EYS: variants seen among roughly 807,000 people sequenced by gnomAD.
EYS encodes EGF-like photoreceptor maintenance factor.
Under a neutral mutation model 282.1 loss-of-function variants are expected in EYS, and 250 were observed. The observed-to-expected ratio is 0.89, with a 90% CI of 0.80 to 0.98. The LOEUF is 0.98. Ranked by LOEUF, EYS falls within the 50% of genes least tolerant of loss-of-function variation. The pLI is 0.00. For synonymous variants in EYS, 1,355 were observed against 1,282.9 expected (o/e 1.06, Z -1.20); for missense variants, 4,016 against 3,709.0 (o/e 1.08, Z -2.15).
intron 19 of EYS, among the ~76,000 whole-genome samples, chr6:64,858,164 T>A (rs1766125193): frequency 1.3e-5 from 2 of 152,278 alleles, no homozygotes; most frequent in Admixed American, 1.3e-4. Flanking sequence ...ATTAAAAAAA[T>A]TATTGGCCAA....
chr6:65,700,826 A>G (rs985554059), intron 1 of EYS, among the ~76,000 whole-genome samples: 6 of 152,206 alleles, frequency 3.9e-5, no homozygotes, highest in Admixed American at 1.3e-4. Context: ...GCATAGATAT[A>G]GTCTTGTAAA....
At chr6:64,288,866 A>G (rs1768595814) in intron 30 of EYS, among the ~76,000 whole-genome samples, 1 of 152,056 alleles carries the variant, frequency 6.6e-6, no homozygotes, top group African/African-American at 2.4e-5. Flanking sequence ...AAATCTAGCC[A>G]TATTTCCTTC....
intron 29 of EYS, among the ~76,000 whole-genome samples, chr6:64,341,444 C>A (rs981354943): frequency 6.6e-6 from 1 of 151,680 alleles, no homozygotes; most frequent in African/African-American, 2.4e-5. Context: ...AATGCTAGAA[C>A]CCAAAGCCAA....
intron 42 of EYS, 129 bp from the exon 43 acceptor site, chr6:63,721,926 G>C (rs1768413890): frequency 3.6e-6 from 3 of 834,330 alleles, no homozygotes; most frequent in African/African-American, 1.7e-5. Flanking sequence ...GAGCACAATT[G>C]TGTTAGTTTT....
chr6:64,360,421 C>A (rs1309020192), intron 29 of EYS, among the ~76,000 whole-genome samples: 1 of 151,698 alleles, frequency 6.6e-6, no homozygotes, highest in Admixed American at 6.6e-5. Flanking sequence ...AGTTACTCGG[C>A]CTTCTTGTGT....
rs369750133 is a variant in EYS, at chr6:65,343,064, G to A, written c.1599+974C>T. ...GCAAAATATATATATATGTAAGAAC[G>A]TATTAAGCTTACTTCATATATTTAT... is the stretch of plus-strand genomic sequence containing the variant. On this transcript the variant is annotated intron_variant, in intron 10 of 42. Transcript: ENST00000503581. 3.8e-4 allele frequency among the ~76,000 whole-genome samples: 57 copies of A among 151,088 alleles called. No homozygotes were observed. In the South Asian group the frequency reaches 0.01, roughly 27 times the overall value.
At chr6:65,185,556 C>A (rs1474385251) in intron 12 of EYS, among the ~76,000 whole-genome samples, 1 of 151,818 alleles carries the variant, frequency 6.6e-6, no homozygotes, top group East Asian at 1.9e-4. Flanking sequence ...GAATTACGAT[C>A]ATAAATAAAG....
At chr6:63,727,069 T>C (rs1434800050) in intron 41 of EYS, among the ~76,000 whole-genome samples, 22 of 152,204 alleles carry the variant, frequency 1.4e-4, no homozygotes, top group Admixed American at 1.4e-3. Flanking sequence ...GACAACACTT[T>C]ATAAGTTATT....
intron 26 of EYS, among the ~76,000 whole-genome samples, chr6:64,516,647 GCA>G (rs1009203911): frequency 6.6e-6 from 1 of 151,702 alleles, no homozygotes. Flanking sequence ...CCTTTTCTCT[GCA>G]CAGTTACAGT....
At chr6:65,387,108 A>G (rs997438236) in intron 7 of EYS, among the ~76,000 whole-genome samples, 12 of 152,006 alleles carry the variant, frequency 7.9e-5, no homozygotes, top group Admixed American at 5.3e-4. Context: ...ACTGATTTAA[A>G]TATCTTTCTA....
rs1472469337 is a variant in EYS at position 63,997,332 on chromosome 6, C to CTGGGACTGAATATACCTGGGCT, written c.6834+1742_6834+1743insAGCCCAGGTATATTCAGTCCCA. Among the ~76,000 whole-genome samples, 4 of 152,078 alleles carry CTGGGACTGAATATACCTGGGCT rather than the reference C, an allele frequency of 2.6e-5. No homozygotes were observed. The East Asian group carries it at 5.8e-4, about 22-fold the overall frequency. On this transcript the variant is annotated intron_variant, in intron 34 of 42. Transcript: ENST00000503581. ...TTGGGCCCTGAAGGCTGTAATATACCGTAACTCTGGGACTGAAGTGTGTCT... is the reference window on the plus strand; with the variant it reads ...TTGGGCCCTGAAGGCTGTAATATACCTGGGACTGAATATACCTGGGCTGTAACTCTGGGACTGAAGTGTGTCT...
intron 12 of EYS, among the ~76,000 whole-genome samples, chr6:65,189,051 ATAGT>A (rs1201141855): frequency 4.6e-5 from 7 of 151,642 alleles, no homozygotes; most frequent in African/African-American, 1.7e-4. Flanking sequence ...TCTTAATTAT[ATAGT>A]TACAGTTTTA....
intron 22 of EYS, among the ~76,000 whole-genome samples, chr6:64,749,095 C>T (rs1167587114): frequency 6.6e-6 from 1 of 152,158 alleles, no homozygotes; most frequent in South Asian, 2.1e-4. Flanking sequence ...TTTAACTTTG[C>T]TCCAAAGATT....
chr6:65,668,883 T>G (rs1408985182), intron 1 of EYS, among the ~76,000 whole-genome samples: 1 of 151,838 alleles, frequency 6.6e-6, no homozygotes, highest in East Asian at 1.9e-4. Flanking sequence ...TTTGAAAAAA[T>G]GATTAGTCTC....
chr6:64,147,294 C>T (rs569680320), intron 31 of EYS, among the ~76,000 whole-genome samples: 3 of 152,094 alleles, frequency 2.0e-5, no homozygotes, highest in South Asian at 2.1e-4. Context: ...TATTGAACAC[C>T]CTGTTTTAGA....
At chr6:64,297,844 T>G (rs1769089453) in intron 30 of EYS, among the ~76,000 whole-genome samples, 2 of 151,882 alleles carry the variant, frequency 1.3e-5, no homozygotes, top group African/African-American at 4.8e-5. Context: ...CAAGTGTGGT[T>G]GTGTGTGCCT....
chr6:64,563,826 A>G (rs1341003674), intron 26 of EYS, among the ~76,000 whole-genome samples: 1 of 152,144 alleles, frequency 6.6e-6, no homozygotes, highest in Non-Finnish European at 1.5e-5. Flanking sequence ...TATACATCAG[A>G]ATAAAAAAAG....
rs72916285 is a variant in EYS, at chr6:64,238,895, C to G, written c.6192-8071G>C. 1.3e-4 allele frequency among the ~76,000 whole-genome samples: 20 copies of G among 152,232 alleles called. No homozygotes were observed. The East Asian group carries it at 3.3e-3, about 25-fold the overall frequency. On this transcript the variant is annotated intron_variant, in intron 30 of 42. Transcript: ENST00000503581. ...TTAGGCATTTCTCCTAATGCTATCC[C>G]TCCACTAGCTCCCCATCCCCTGACA...
chr6:65,581,054 A>C (rs375007276), intron 2 of EYS, among the ~76,000 whole-genome samples: 1 of 152,142 alleles, frequency 6.6e-6, no homozygotes, highest in Non-Finnish European at 1.5e-5. Flanking sequence ...ATTTCTCATA[A>C]TGGATCTCTT....
Sources: allele counts gnomAD v4.1 joint callset (sites outside exome capture counted in the v4.1 genomes callset), GRCh38; gene constraint gnomAD v4.1.1; transcripts MANE v1.5; gene names NCBI Gene and HGNC (gene_info 2026-07-23, HGNC 2026-07-21).